SIDT1: variants seen among roughly 807,000 people sequenced by gnomAD.
SIDT1 encodes the protein SID1 transmembrane family member 1, also known as SID1 transmembrane family, member 1.
SIDT1 carries 101 observed loss-of-function variants against 107.5 expected under a neutral mutation model. That is an observed-to-expected ratio of 0.94 (90% CI 0.80 to 1.11). The LOEUF is 1.11. Ranked by LOEUF, SIDT1 falls within the 50% of genes least tolerant of loss-of-function variation. SIDT1 has a pLI of 0.00. For synonymous variants in SIDT1, 395 were observed against 398.2 expected, an observed-to-expected ratio of 0.99 and a Z score of 0.10; for missense variants, 1,076 against 1,058.2, an observed-to-expected ratio of 1.02 and a Z score of -0.23.
intron 19 of SIDT1, among the ~76,000 whole-genome samples, chr3:113,615,294 C>A (rs1946023998): frequency 6.6e-6 from 1 of 152,176 alleles, no homozygotes; most frequent in Admixed American, 6.5e-5. Flanking sequence ...GTTTCTCCCT[C>A]CTGGTTAAAC....
At position 113,597,513 on chromosome 3, in the gene SIDT1, A is replaced by C. The variant is rs902583424; in HGVS notation, c.1046-4075A>C. 5.3e-5 allele frequency among the ~76,000 whole-genome samples: 8 copies of C among 151,846 alleles called. No homozygotes were observed. In the South Asian group the frequency reaches 6.2e-4, roughly 12 times the overall value. On this transcript the variant is annotated intron_variant, in intron 10 of 24. Transcript: ENST00000264852. ...TCCATCTCAAAAAAAAAAAAAAAAA[A>C]AAAAAAATCATGCTAGCTAGTTCCC...
chr3:113,590,115 G>A (rs966309192), intron 9 of SIDT1: 3 of 152,216 alleles, frequency 2.0e-5, no homozygotes, highest in South Asian at 4.2e-4. Flanking sequence ...TGGCAGGGAA[G>A]TCCTCTCATA....
intron 1 of SIDT1, among the ~76,000 whole-genome samples, chr3:113,551,925 C>T (rs972057864): frequency 2.6e-5 from 4 of 151,822 alleles, no homozygotes; most frequent in African/African-American, 4.8e-5. Flanking sequence ...CTTGGAGACC[C>T]GAGCAGTTGG....
chr3:113,592,535 T>G (rs1209274333), intron 9 of SIDT1, among the ~76,000 whole-genome samples: 2 of 152,334 alleles, frequency 1.3e-5, no homozygotes, highest in Admixed American at 1.3e-4. Context: ...GAGTTCCAAT[T>G]TCTCCATATC....
intron 1 of SIDT1, among the ~76,000 whole-genome samples, chr3:113,547,337 C>A (rs965456539): frequency 6.6e-6 from 1 of 151,946 alleles, no homozygotes; most frequent in Non-Finnish European, 1.5e-5. Flanking sequence ...TATGTGGAGG[C>A]TAAAAAAGTT....
chr3:113,546,502 C>T (rs961545120), intron 1 of SIDT1, among the ~76,000 whole-genome samples: 1 of 152,116 alleles, frequency 6.6e-6, no homozygotes, highest in Non-Finnish European at 1.5e-5. Context: ...CCCTTGCTGG[C>T]ATTCCTGCTG....
At chr3:113,615,801 G>A (rs553454448) in intron 19 of SIDT1, among the ~76,000 whole-genome samples, 1 of 152,262 alleles carries the variant, frequency 6.6e-6, no homozygotes, top group African/African-American at 2.4e-5. Flanking sequence ...ACAAAAAGAA[G>A]CTTAGCTGCA....
rs1197802759 is a variant in SIDT1, at chr3:113,570,884, G to A, written c.515+3174G>A. Among the ~76,000 whole-genome samples the A allele has an allele frequency of 2.0e-5, 3 of 152,096 alleles. No homozygotes were observed. In the South Asian group the frequency reaches 6.2e-4, roughly 32 times the overall value. ...ACATTTTAAGAACTGAAGGATCTTT[G>A]GGAATCTAATCCACCTGCCTCATTT... On this transcript the variant is annotated intron_variant, in intron 3 of 24. Transcript: ENST00000264852.
Position 113,593,008 on chromosome 3 carries a change from T to C in SIDT1, c.1005T>C (p.Phe335=), listed in dbSNP as rs768185278. Reference sequence around the variant, plus strand: ...ATGTGTATGTGCTTGTTTGCAGGTTTCAGAGAAAATCCATTGATGGAAGCT... The same window carrying C: ...ATGTGTATGTGCTTGTTTGCAGGTTCCAGAGAAAATCCATTGATGGAAGCT... ...LLVGFVHYLR[F]QRKSIDGSFG... Residue 335 remains phenylalanine, a synonymous_variant, in exon 10 of 25, where the codon TTT becomes TTC. Transcript: ENST00000264852. 38 of 1,612,636 alleles carry C rather than the reference T, an allele frequency of 2.4e-5. No individual in the cohort carries two copies. In the Middle Eastern group the frequency reaches 6.6e-4, roughly 28 times the overall value.
At chr3:113,619,243 T>C (rs925623438) in intron 20 of SIDT1, among the ~76,000 whole-genome samples, 1 of 152,188 alleles carries the variant, frequency 6.6e-6, no homozygotes, top group African/African-American at 2.4e-5. Flanking sequence ...GGGTACAAAA[T>C]TAACTCCCTA....
At chr3:113,561,688 C>G (rs557646482) in intron 1 of SIDT1, among the ~76,000 whole-genome samples, 1 of 152,214 alleles carries the variant, frequency 6.6e-6, no homozygotes, top group African/African-American at 2.4e-5. Context: ...AATCCCCCAG[C>G]AGCTTGCTAA....
At chr3:113,579,003 T>C (rs1400167079) in intron 4 of SIDT1, among the ~76,000 whole-genome samples, 1 of 152,238 alleles carries the variant, frequency 6.6e-6, no homozygotes, top group Non-Finnish European at 1.5e-5. Flanking sequence ...ATATTTTGTA[T>C]CCTCTTTGAT....
intron 1 of SIDT1, among the ~76,000 whole-genome samples, chr3:113,558,595 G>A (rs574875257): frequency 6.6e-6 from 1 of 152,184 alleles, no homozygotes; most frequent in Non-Finnish European, 1.5e-5. Flanking sequence ...CTAAGCTCAG[G>A]GTTCCTCTCC....
intron 1 of SIDT1, among the ~76,000 whole-genome samples, chr3:113,544,073 A>C (rs1939262808): frequency 6.6e-6 from 1 of 151,920 alleles, no homozygotes; most frequent in Non-Finnish European, 1.5e-5. Context: ...TTAATGAAAA[A>C]AGGTTTTTTG....
intron 1 of SIDT1, among the ~76,000 whole-genome samples, chr3:113,545,114 T>TAGAAAAAAAAA (rs1939436924): frequency 1.4e-5 from 1 of 73,968 alleles, no homozygotes; most frequent in African/African-American, 5.8e-5. Flanking sequence ...GAGACTCTGT[T>TAGAAAAAAAAA]AAAAAAAAAA....
At chr3:113,575,042 A>G (rs1193307170) in intron 3 of SIDT1, among the ~76,000 whole-genome samples, 2 of 152,224 alleles carry the variant, frequency 1.3e-5, no homozygotes, top group Non-Finnish European at 2.9e-5. Flanking sequence ...AAGAGAGGAC[A>G]TAAATGGTAG....
chr3:113,597,451 C>T (rs950975411), intron 10 of SIDT1, among the ~76,000 whole-genome samples: 3 of 140,086 alleles, frequency 2.1e-5, no homozygotes, highest in East Asian at 2.1e-4. Flanking sequence ...GAGCCGAGAT[C>T]ATGCCACTGC....
Position 113,612,101 on chromosome 3 carries a change from G to T in SIDT1, c.1873G>T (p.Asp625Tyr). The T allele has an allele frequency of 6.2e-7, 1 of 1,613,986 alleles. No individual in the cohort carries two copies. The highest frequency in any genetic ancestry group is 1.1e-5 in the South Asian group (1 of 91,060). The change falls in exon 19 of 25, where the codon GAC (aspartate) becomes TAC (tyrosine). Residue 625 changes from aspartate to tyrosine, a missense_variant. Transcript: ENST00000264852. ...TTACTCCTAGGTGTTTGGAAAAAAT[G>T]ACGTATGGTTCTGGGTCATCTTCTC... ...TVLGVVFGKN[D>Y]VWFWVIFSAI... is the part of the protein sequence containing the mutation.
chr3:113,554,395 C>G (rs1462516111), intron 1 of SIDT1, among the ~76,000 whole-genome samples: 1 of 152,164 alleles, frequency 6.6e-6, no homozygotes, highest in Non-Finnish European at 1.5e-5. Flanking sequence ...CCCGTAATCC[C>G]CATGTGTCAT....
Sources: gnomAD v4.1 joint callset for allele counts (sites outside exome capture counted in the v4.1 genomes callset) on GRCh38, gnomAD v4.1.1 for gene constraint, MANE v1.5 for transcripts, NCBI Gene and HGNC (gene_info 2026-07-23, HGNC 2026-07-21) for gene names.